DOCK4: variants seen among roughly 807,000 people sequenced by gnomAD.
The protein encoded by DOCK4 is dedicator of cytokinesis protein 4.
In DOCK4, 97 loss-of-function variants were observed where a neutral mutation model predicts 268.1. The observed-to-expected ratio is 0.36, with a 90% CI of 0.31 to 0.43. The LOEUF is 0.43. Ranked by LOEUF, DOCK4 falls within the 20% of genes least tolerant of loss-of-function variation. DOCK4 has a pLI of 1.00. For synonymous variants in DOCK4, 954 were observed against 887.2 expected (o/e 1.08, Z -1.34); for missense variants, 2,145 against 2,455.7 (o/e 0.87, Z 2.67).
intron 16 of DOCK4, among the ~76,000 whole-genome samples, chr7:111,889,934 C>T (rs1357989550): frequency 2.0e-5 from 3 of 152,186 alleles, no homozygotes; most frequent in African/African-American, 7.2e-5. Flanking sequence ...GCACTTCTGC[C>T]ATGGTGGTTC....
intron 23 of DOCK4, among the ~76,000 whole-genome samples, chr7:111,862,170 G>A (rs1244571848): frequency 2.6e-5 from 4 of 151,852 alleles, no homozygotes; most frequent in East Asian, 3.9e-4. Context: ...GTGGTGGTGT[G>A]TGCCTATAAT....
At chr7:111,938,888 CT>C (rs112393150) in intron 11 of DOCK4, among the ~76,000 whole-genome samples, 2,456 of 148,760 alleles carry the variant, frequency 0.017, 68 homozygotes, top group African/African-American at 0.056. Flanking sequence ...GGCAGAAAAT[CT>C]CTTGAACCTG....
chr7:112,139,779 G>A lies in DOCK4; in HGVS notation c.37+66323C>T, dbSNP rs76762417. On this transcript the variant is annotated intron_variant, in intron 1 of 52. Coordinates refer to ENST00000428084, the MANE Select transcript of DOCK4 (RefSeq NM_001363540.2). ...AAATCATTATCTTTTTTGTAAAAGG[G>A]AAATAGCAGAATAGGAGGTTTGAAG... 3.3e-5 allele frequency among the ~76,000 whole-genome samples: 5 copies of A among 152,228 alleles called. No individual in the cohort carries two copies. The South Asian group carries it at 1.0e-3, about 32-fold the overall frequency.
intron 1 of DOCK4, among the ~76,000 whole-genome samples, chr7:112,078,395 T>C (rs1808271641): frequency 6.6e-6 from 1 of 152,178 alleles, no homozygotes; most frequent in Admixed American, 6.5e-5. Flanking sequence ...AAATACTTTT[T>C]CCTATTATTA....
intron 1 of DOCK4, among the ~76,000 whole-genome samples, chr7:112,051,187 T>C (rs1805317249): frequency 6.6e-6 from 1 of 151,984 alleles, no homozygotes; most frequent in Admixed American, 6.6e-5. Flanking sequence ...TAAAGGGAAA[T>C]GGAATGGCAC....
At chr7:111,940,326 AG>A (rs1334215720) in intron 10 of DOCK4, 84 bp from the exon 11 acceptor site, 9 of 1,563,420 alleles carry the variant, frequency 5.8e-6, no homozygotes, top group Non-Finnish European at 7.0e-6. Context: ...GCTATAAGAT[AG>A]GCCATTGAAA....
intron 13 of DOCK4, among the ~76,000 whole-genome samples, chr7:111,908,073 C>T (rs183194939): frequency 6.6e-6 from 1 of 152,218 alleles, no homozygotes; most frequent in Admixed American, 6.5e-5. Context: ...TACTAGTGCA[C>T]ATCTACTTTC....
At chr7:112,047,019 G>A (rs982414433) in intron 1 of DOCK4, among the ~76,000 whole-genome samples, 5 of 152,172 alleles carry the variant, frequency 3.3e-5, no homozygotes, top group South Asian at 2.1e-4. Context: ...GTGAGGAAAC[G>A]ACATGACTCT....
chr7:111,751,509 A>G (rs1464644566), intron 42 of DOCK4, among the ~76,000 whole-genome samples: 2 of 151,554 alleles, frequency 1.3e-5, no homozygotes, highest in African/African-American at 2.4e-5. Flanking sequence ...CAGTGGTGCA[A>G]TCTTGGCTCA....
chr7:111,809,220 C>A, intron 29 of DOCK4, 81 bp downstream of exon 29: 1 of 1,140,608 alleles, frequency 8.8e-7, no homozygotes, highest in Non-Finnish European at 1.3e-6. Context: ...TCCAGTTATG[C>A]GCATTCTGAT....
chr7:111,860,564 C>A (rs748477978), intron 23 of DOCK4, among the ~76,000 whole-genome samples: 1 of 152,234 alleles, frequency 6.6e-6, no homozygotes, highest in Non-Finnish European at 1.5e-5. Flanking sequence ...TGTGTGGGAC[C>A]TTCCCACACA....
rs563392291 is a variant in DOCK4 at position 112,126,157 on chromosome 7, G to A, written c.37+79945C>T. On this transcript the variant is annotated intron_variant, in intron 1 of 52. Coordinates refer to ENST00000428084, the MANE Select transcript of DOCK4 (RefSeq NM_001363540.2). Reference sequence around the variant, plus strand: ...TGGAATTTTCTCTCTTCTGCAAAACGAGTGAAAATATTAGCTATTTCTAAT... The same window carrying A: ...TGGAATTTTCTCTCTTCTGCAAAACAAGTGAAAATATTAGCTATTTCTAAT... Among the ~76,000 whole-genome samples, 7 of 152,280 alleles carry A rather than the reference G, an allele frequency of 4.6e-5. No individual in the cohort carries two copies. The East Asian group carries it at 5.8e-4, about 13-fold the overall frequency.
chr7:111,910,041 A>C (rs1791964187), intron 13 of DOCK4, among the ~76,000 whole-genome samples: 1 of 152,178 alleles, frequency 6.6e-6, no homozygotes. Flanking sequence ...ATGCACTGAA[A>C]TGTATAAATG....
intron 43 of DOCK4, among the ~76,000 whole-genome samples, chr7:111,746,812 A>T (rs1354879953): frequency 2.5e-5 from 2 of 79,168 alleles, no homozygotes; most frequent in African/African-American, 1.1e-4. Context: ...GATCGGTCTT[A>T]TCTTTTTTTT....
chr7:111,737,951 A>C (rs1391877283), intron 49 of DOCK4, among the ~76,000 whole-genome samples: 1 of 152,222 alleles, frequency 6.6e-6, no homozygotes, highest in East Asian at 1.9e-4. Context: ...TTTCGGGAGG[A>C]TCACACAATC....
intron 23 of DOCK4, among the ~76,000 whole-genome samples, chr7:111,861,779 TA>T (rs951945891): frequency 5.4e-5 from 8 of 147,240 alleles, no homozygotes; most frequent in African/African-American, 1.5e-4. Flanking sequence ...ATAATATTAA[TA>T]AAAAAAACAC....
chr7:112,151,164 G>A (rs537154380), intron 1 of DOCK4, among the ~76,000 whole-genome samples: 1 of 152,280 alleles, frequency 6.6e-6, no homozygotes, highest in South Asian at 2.1e-4. Context: ...CAAGGAGAAG[G>A]ATTTGTACCT....
At chr7:112,049,477 A>C (rs1189133119) in intron 1 of DOCK4, among the ~76,000 whole-genome samples, 1 of 152,202 alleles carries the variant, frequency 6.6e-6, no homozygotes, top group Non-Finnish European at 1.5e-5. Flanking sequence ...GAAAAGGTAC[A>C]AAAAACAAAT....
intron 40 of DOCK4, among the ~76,000 whole-genome samples, chr7:111,759,078 G>A (rs1474836590): frequency 1.3e-5 from 2 of 152,172 alleles, no homozygotes; most frequent in Admixed American, 6.5e-5. Context: ...ACTTGTGTGT[G>A]TGTATGTGTG....
Sources: allele counts gnomAD v4.1 joint callset (sites outside exome capture counted in the v4.1 genomes callset), GRCh38; gene constraint gnomAD v4.1.1; transcripts MANE v1.5; gene names NCBI Gene and HGNC (gene_info 2026-07-23, HGNC 2026-07-21).